The following CDKL4 variants were observed in gnomAD, a reference collection of about 807,000 sequenced individuals.
CDKL4 encodes the protein cyclin-dependent kinase-like 4.
Under a neutral mutation model 42.0 loss-of-function variants are expected in CDKL4, and 44 were observed. The ratio of observed to expected loss-of-function variants is 1.05; its 90% CI spans 0.82 to 1.35. The LOEUF is 1.35. CDKL4 is among the 40% of genes most tolerant of loss of function. CDKL4 has a pLI of 0.00. For missense variants in CDKL4, 393 were observed against 369.9 expected, an observed-to-expected ratio of 1.06 and a Z score of -0.51; for synonymous variants, 120 against 121.6, an observed-to-expected ratio of 0.99 and a Z score of 0.09.
At chr2:39,170,277 CAA>C in the CDKL4 span, among the ~76,000 whole-genome samples, 4 of 42,894 alleles carry the variant, frequency 9.3e-5, no homozygotes, top group Non-Finnish European at 1.6e-4. Context: ...ACCCTGTCTC[CAA>C]AAAAAAAAAA....
chr2:39,243,893 C>G (rs1046535339), exon 1 of CDKL4, among the ~76,000 whole-genome samples: 1 of 152,370 alleles, frequency 6.6e-6, no homozygotes, highest in Admixed American at 6.5e-5. Context: ...GCGACGGTGA[C>G]GAAGCTTCGA....
rs544736471 is a variant in CDKL4 at position 39,241,019 on chromosome 2, G to A, written c.-57+2852C>T. 3.9e-5 allele frequency among the ~76,000 whole-genome samples: 6 copies of A among 152,308 alleles called. No homozygotes were observed. The South Asian group carries it at 1.2e-3, about 32-fold the overall frequency. Reference sequence around the variant, plus strand: ...GAGAGATGGAAAAACAAAATGCGACGTGTGATCCTGAACTGGATCCTGGAC... The same window carrying A: ...GAGAGATGGAAAAACAAAATGCGACATGTGATCCTGAACTGGATCCTGGAC... On this transcript the variant is annotated intron_variant, in intron 1 of 9. Transcript: ENST00000451199.
chr2:39,221,754 C>G (rs1045373757), intron 3 of CDKL4, among the ~76,000 whole-genome samples: 1 of 152,160 alleles, frequency 6.6e-6, no homozygotes, highest in East Asian at 1.9e-4. Flanking sequence ...CTTGAACATG[C>G]CTTGCTCTTT....
chr2:39,178,704 AC>A lies in CDKL4; in HGVS notation c.927+482del. The A allele has an allele frequency of 2.5e-6, 4 of 1,609,410 alleles. No individual in the cohort carries two copies. The South Asian group carries it at 3.3e-5, about 13-fold the overall frequency. On this transcript the variant is annotated intron_variant, in intron 9 of 9. Coordinates refer to ENST00000451199, the Ensembl canonical transcript of CDKL4. The stretch of plus-strand genomic sequence containing the variant: ...AGATGTCTGGGTTTCATTCCTTTGT[AC>A]CTGGCAGATCTTGGTTTTGAGAAAA...
chr2:39,229,979 C>T (rs992264960), intron 1 of CDKL4, among the ~76,000 whole-genome samples: 5 of 152,336 alleles, frequency 3.3e-5, no homozygotes, highest in Middle Eastern at 3.4e-3. Context: ...CAAGTGCATA[C>T]ACAATGACTA....
At chr2:39,238,056 G>A (rs1679461927) in intron 1 of CDKL4, among the ~76,000 whole-genome samples, 2 of 152,130 alleles carry the variant, frequency 1.3e-5, no homozygotes, top group African/African-American at 2.4e-5. Context: ...AGAAATTAAA[G>A]ATCTAAATAA....
At chr2:39,243,160 G>T (rs1420991112) in intron 1 of CDKL4, among the ~76,000 whole-genome samples, 1 of 66,888 alleles carries the variant, frequency 1.5e-5, no homozygotes, top group Non-Finnish European at 4.0e-5. Flanking sequence ...AAGGAATGAC[G>T]AGGAAAAAGA....
the CDKL4 span, among the ~76,000 whole-genome samples, chr2:39,168,524 T>A: frequency 6.6e-6 from 1 of 151,978 alleles, no homozygotes; most frequent in East Asian, 1.9e-4. Flanking sequence ...TCACCCAAGG[T>A]CAGGAGTTCA....
chr2:39,221,951 T>A (rs1011146392), intron 3 of CDKL4, among the ~76,000 whole-genome samples: 1 of 152,250 alleles, frequency 6.6e-6, no homozygotes, highest in Admixed American at 6.5e-5. Flanking sequence ...TAGTTGTTAC[T>A]TTGAATATCT....
At chr2:39,234,058 C>T (rs1300227732) in intron 1 of CDKL4, among the ~76,000 whole-genome samples, 7 of 151,604 alleles carry the variant, frequency 4.6e-5, no homozygotes, top group Non-Finnish European at 1.0e-4. Context: ...GGACTACAGG[C>T]GTGTGCCACC....
chr2:39,214,345 A>G (rs1677786495), intron 3 of CDKL4, among the ~76,000 whole-genome samples: 2 of 152,128 alleles, frequency 1.3e-5, no homozygotes, highest in Non-Finnish European at 2.9e-5. Context: ...TATTTTCTTC[A>G]ATTTCACCCC....
intron 1 of CDKL4, among the ~76,000 whole-genome samples, chr2:39,240,247 T>TTAAAATAAAATAAAA (rs139821059): frequency 2.0e-5 from 3 of 149,254 alleles, no homozygotes; most frequent in African/African-American, 7.5e-5. Context: ...CCGTCTCTAC[T>TTAAAATAAAATAAAA]TAAAATAAAA....
At chr2:39,184,724 G>A (rs1207387221) in intron 7 of CDKL4, 77 bp from the exon 8 acceptor site, 7 of 299,094 alleles carry the variant, frequency 2.3e-5, no homozygotes, top group African/African-American at 5.4e-5. Context: ...GCGTATGTAT[G>A]TGTGTGTGTG....
intron 3 of CDKL4, among the ~76,000 whole-genome samples, chr2:39,223,112 C>A (rs1678478131): frequency 6.6e-6 from 1 of 152,118 alleles, no homozygotes; most frequent in African/African-American, 2.4e-5. Context: ...AGGACATTAA[C>A]TATTGTTCTA....
chr2:39,222,487 G>A (rs1678434752), intron 3 of CDKL4, among the ~76,000 whole-genome samples: 1 of 152,094 alleles, frequency 6.6e-6, no homozygotes, highest in South Asian at 2.1e-4. Flanking sequence ...GTATTTGGGA[G>A]GCTGAGGTGG....
intron 3 of CDKL4, among the ~76,000 whole-genome samples, chr2:39,217,733 TTTATTTATTTA>T (rs1678021268): frequency 1.4e-5 from 2 of 145,148 alleles, no homozygotes; most frequent in South Asian, 4.3e-4. Flanking sequence ...TATTTATTTA[TTTATTTATTTA>T]TTTTTTGAGA....
At chr2:39,203,046 G>C (rs1162248550) in intron 5 of CDKL4, among the ~76,000 whole-genome samples, 2 of 152,142 alleles carry the variant, frequency 1.3e-5, no homozygotes, top group African/African-American at 4.8e-5. Flanking sequence ...TCAGACTTCT[G>C]GATGTGTTCA....
chr2:39,232,377 G>A (rs1679127867), intron 1 of CDKL4, among the ~76,000 whole-genome samples: 1 of 152,186 alleles, frequency 6.6e-6, no homozygotes, highest in African/African-American at 2.4e-5. Context: ...TTATAACAGA[G>A]TTTCTGGAGG....
the CDKL4 span, among the ~76,000 whole-genome samples, chr2:39,168,561 C>T: frequency 4.1e-4 from 62 of 152,020 alleles, no homozygotes; most frequent in Non-Finnish European, 7.4e-4. Context: ...CATGGTGAAA[C>T]CCCATCTATA....
Sources: allele counts gnomAD v4.1 joint callset (sites outside exome capture counted in the v4.1 genomes callset), GRCh38; gene constraint gnomAD v4.1.1; transcripts MANE v1.5; gene names NCBI Gene and HGNC (gene_info 2026-07-23, HGNC 2026-07-21).